CNTN4: variants seen among roughly 807,000 people sequenced by gnomAD.
CNTN4 encodes the protein contactin 4, also known as contactin-4.
CNTN4 carries 77 observed loss-of-function variants against 122.5 expected under a neutral mutation model. The observed-to-expected ratio is 0.63, with a 90% CI of 0.52 to 0.76. The LOEUF (loss-of-function observed/expected upper bound fraction) is 0.76, where lower values mean the gene tolerates loss of function less well. Ranked by LOEUF, CNTN4 falls within the 30% of genes least tolerant of loss-of-function variation. The probability of loss-of-function intolerance (pLI) is 0.00; values close to 1 mark genes in which losing one functional copy is unlikely to be tolerated. For synonymous variants in CNTN4, 512 were observed against 447.0 expected, an observed-to-expected ratio of 1.15 and a Z score of -1.83; for missense variants, 1,256 against 1,259.1, an observed-to-expected ratio of 1.00 and a Z score of 0.04.
At chr3:2,949,522 G>A (rs2094715515) in intron 13 of CNTN4, among the ~76,000 whole-genome samples, 1 of 152,134 alleles carries the variant, frequency 6.6e-6, no homozygotes, top group Non-Finnish European at 1.5e-5. Context: ...AGTGGACCGG[G>A]TTATGGGAAG....
chr3:2,457,493 A>G (rs1394075086), intron 3 of CNTN4, among the ~76,000 whole-genome samples: 1 of 152,146 alleles, frequency 6.6e-6, no homozygotes, highest in Admixed American at 6.6e-5. Flanking sequence ...AGAAATATGT[A>G]AAATGTTTAT....
At chr3:2,632,268 A>G (rs917392566) in intron 4 of CNTN4, among the ~76,000 whole-genome samples, 20 of 152,174 alleles carry the variant, frequency 1.3e-4, no homozygotes, top group Admixed American at 2.0e-4. Flanking sequence ...AAAACTGTGC[A>G]TAGACAAAAT....
chr3:2,563,259 A>T (rs1053984484), intron 3 of CNTN4, among the ~76,000 whole-genome samples: 1 of 152,166 alleles, frequency 6.6e-6, no homozygotes, highest in African/African-American at 2.4e-5. Flanking sequence ...TTGAAATCTC[A>T]TCAAACTATA....
At chr3:2,840,518 G>C (rs895306210) in intron 7 of CNTN4, among the ~76,000 whole-genome samples, 4 of 111,244 alleles carry the variant, frequency 3.6e-5, no homozygotes, top group Non-Finnish European at 5.8e-5. Flanking sequence ...GGCTAACACG[G>C]TGAAACCCCG....
intron 10 of CNTN4, among the ~76,000 whole-genome samples, chr3:2,895,302 C>T (rs1006943676): frequency 2.6e-5 from 4 of 152,120 alleles, no homozygotes; most frequent in Non-Finnish European, 5.9e-5. Context: ...TCAATATTAA[C>T]CTAAAGATAT....
At chr3:2,526,322 A>T (rs193271866) in intron 3 of CNTN4, among the ~76,000 whole-genome samples, 10 of 152,310 alleles carry the variant, frequency 6.6e-5, no homozygotes, top group Admixed American at 2.0e-4. Context: ...TCTGCAGTGT[A>T]TCAGGTAGTT....
Position 3,030,982 on chromosome 3 carries a change from G to A in CNTN4, c.1783+7G>A. 3 of 1,613,992 alleles carry A rather than the reference G, an allele frequency of 1.9e-6. No homozygotes were observed. Among genetic ancestry groups the A allele is most frequent in the Non-Finnish European group, 2.5e-6 (3 of 1,179,880 alleles). ...GCAGACCTGATTGTAAGAGGTACTG[G>A]ATTTTGTTGTTATTGTTGTTCTTGA... On this transcript the variant is annotated splice_region_variant and intron_variant, in intron 16 of 24. Coordinates refer to ENST00000418658, the MANE Select transcript of CNTN4 (RefSeq NM_175607.3).
chr3:2,508,417 T>C (rs2076794314), intron 3 of CNTN4, among the ~76,000 whole-genome samples: 1 of 152,226 alleles, frequency 6.6e-6, no homozygotes, highest in African/African-American at 2.4e-5. Flanking sequence ...TGGTGACTTA[T>C]TGCTGAAGAT....
chr3:2,527,141 CTG>C (rs1197783795), intron 3 of CNTN4, among the ~76,000 whole-genome samples: 1 of 152,152 alleles, frequency 6.6e-6, no homozygotes, highest in Non-Finnish European at 1.5e-5. Context: ...TTCTGAGACA[CTG>C]TGTTGAGCAG....
chr3:2,248,202 T>C (rs867747632), intron 2 of CNTN4, among the ~76,000 whole-genome samples: 2 of 152,046 alleles, frequency 1.3e-5, no homozygotes, highest in Non-Finnish European at 2.9e-5. Flanking sequence ...CTTTATTTTA[T>C]ACATAGACGA....
chr3:2,304,036 A>T (rs2042617043), intron 2 of CNTN4, among the ~76,000 whole-genome samples: 1 of 152,188 alleles, frequency 6.6e-6, no homozygotes, highest in South Asian at 2.1e-4. Flanking sequence ...TCTAGGTTAC[A>T]TATAAGTAGG....
chr3:2,552,022 A>C (rs940679448), intron 3 of CNTN4, among the ~76,000 whole-genome samples: 6 of 152,122 alleles, frequency 3.9e-5, no homozygotes, highest in African/African-American at 1.4e-4. Context: ...AAACAAAACT[A>C]TTTGTCTTCA....
At chr3:2,224,090 C>T (rs551630118) in intron 2 of CNTN4, among the ~76,000 whole-genome samples, 4 of 152,142 alleles carry the variant, frequency 2.6e-5, no homozygotes, top group Admixed American at 2.0e-4. Context: ...TTTTTACTAA[C>T]GTAGATTTCT....
chr3:2,664,327 G>T (rs995276815), intron 4 of CNTN4, among the ~76,000 whole-genome samples: 1 of 152,108 alleles, frequency 6.6e-6, no homozygotes, highest in African/African-American at 2.4e-5. Context: ...TTTTGGTCCA[G>T]AATTGCATTT....
chr3:2,519,925 T>C (rs2077150859), intron 3 of CNTN4, among the ~76,000 whole-genome samples: 1 of 152,152 alleles, frequency 6.6e-6, no homozygotes, highest in Admixed American at 6.6e-5. Context: ...CCTGTGTTAA[T>C]GATCCATCTT....
intron 2 of CNTN4, among the ~76,000 whole-genome samples, chr3:2,131,565 C>G (rs927578851): frequency 7.2e-5 from 11 of 152,132 alleles, no homozygotes; most frequent in African/African-American, 2.2e-4. Flanking sequence ...TGTCACAAAT[C>G]CAGCATGATG....
intron 3 of CNTN4, among the ~76,000 whole-genome samples, chr3:2,457,811 G>A (rs944576846): frequency 6.6e-6 from 1 of 152,096 alleles, no homozygotes; most frequent in South Asian, 2.1e-4. Context: ...CCCTTCTCAA[G>A]GTACGTTTAC....
At chr3:2,122,103 T>C (rs536351277) in intron 2 of CNTN4, among the ~76,000 whole-genome samples, 102 of 150,020 alleles carry the variant, frequency 6.8e-4, no homozygotes, top group African/African-American at 2.0e-3. Flanking sequence ...TGCAGTGAGC[T>C]GAGATTGCGC....
intron 4 of CNTN4, among the ~76,000 whole-genome samples, chr3:2,731,546 T>C (rs1330673778): frequency 2.6e-5 from 4 of 152,152 alleles, no homozygotes; most frequent in African/African-American, 9.7e-5. Context: ...GTAGGTGAGC[T>C]CTTGGCAATC....
Sources: allele counts gnomAD v4.1 joint callset (sites outside exome capture counted in the v4.1 genomes callset), GRCh38; gene constraint gnomAD v4.1.1; transcripts MANE v1.5; gene names NCBI Gene and HGNC (gene_info 2026-07-23, HGNC 2026-07-21).